Variants in ANKRD36 observed in about 807,000 individuals in gnomAD.
The protein encoded by ANKRD36 is ankyrin repeat domain-containing protein 36A.
A neutral mutation model predicts 278.1 loss-of-function variants in ANKRD36; 179 were observed. The observed-to-expected ratio is 0.64, with a 90% CI of 0.57 to 0.73. ANKRD36 has a LOEUF of 0.73. Ranked by LOEUF, ANKRD36 falls within the 30% of genes least tolerant of loss-of-function variation. ANKRD36 has a pLI of 0.00. For synonymous variants in ANKRD36, 320 were observed against 641.1 expected, an observed-to-expected ratio of 0.50 and a Z score of 7.57; for missense variants, 1,159 against 1,956.7, an observed-to-expected ratio of 0.59 and a Z score of 7.69.
intron 34 of ANKRD36, among the ~76,000 whole-genome samples, chr2:97,189,548 C>T (rs7594356): frequency 0.42 from 36,864 of 87,256 alleles, 13,964 homozygotes; most frequent in Middle Eastern, 0.59. Flanking sequence ...AGGTTCAAGA[C>T]ATAAGGGGCT....
rs1315631638 is a variant in ANKRD36 at position 97,205,667 on chromosome 2, A to G, written c.3062-273A>G. On this transcript the variant is annotated intron_variant, in intron 50 of 75. Transcript: ENST00000420699. ...CACATTTGTTCTCATCACTCGGCCT[A>G]AGCACATTGATATTGACACGGTTTT... Among the ~76,000 whole-genome samples, 12 of 151,532 alleles carry G rather than the reference A, an allele frequency of 7.9e-5. 1 individual carries two copies. Among genetic ancestry groups the G allele is most frequent in the East Asian group, 3.9e-4 (2 of 5,140 alleles).
chr2:97,158,192 T>C, intron 16 of ANKRD36, 25 bp downstream of exon 16: 1 of 1,428,864 alleles, frequency 7.0e-7, no homozygotes, highest in Non-Finnish European at 9.5e-7. Context: ...ACCTGACTAT[T>C]ATATTATCTA....
intron 60 of ANKRD36, among the ~76,000 whole-genome samples, chr2:97,214,069 G>A (rs1017257399): frequency 6.6e-6 from 1 of 151,146 alleles, no homozygotes; most frequent in South Asian, 2.1e-4. Flanking sequence ...TTTTCCCAAG[G>A]AAGAGGGATT....
At chr2:97,244,151 A>G in intron 70 of ANKRD36, 122 bp downstream of exon 70, 1 of 1,286,930 alleles carries the variant, frequency 7.8e-7, no homozygotes, top group Non-Finnish European at 1.0e-6. Context: ...TCATCTTAAA[A>G]ATGAATCATG....
At chr2:97,135,844 A>G (rs2041356427) in intron 6 of ANKRD36, among the ~76,000 whole-genome samples, 1 of 151,804 alleles carries the variant, frequency 6.6e-6, no homozygotes, top group East Asian at 1.9e-4. Flanking sequence ...CTGGAATTTT[A>G]TTTATGGACC....
chr2:97,205,466 G>T (rs1013628072), intron 50 of ANKRD36, among the ~76,000 whole-genome samples: 12 of 151,506 alleles, frequency 7.9e-5, no homozygotes, highest in African/African-American at 2.9e-4. Context: ...TTCAACTGAA[G>T]CATCATCGCA....
At chr2:97,157,208 G>A (rs2047697852) in intron 15 of ANKRD36, among the ~76,000 whole-genome samples, 2 of 149,556 alleles carry the variant, frequency 1.3e-5, no homozygotes, top group Admixed American at 6.7e-5. Flanking sequence ...TTCTTGGGAT[G>A]TGTTATTTTA....
At chr2:97,211,471 C>T in intron 56 of ANKRD36, 75 bp from the exon 57 acceptor site, 1 of 1,571,834 alleles carries the variant, frequency 6.4e-7, no homozygotes, top group Non-Finnish European at 8.7e-7. Flanking sequence ...GAGTTTGATG[C>T]TAACACTGTA....
At chr2:97,217,100 T>C (rs1434665153) in intron 62 of ANKRD36, 77 bp from the exon 63 acceptor site, 3 of 1,542,816 alleles carry the variant, frequency 1.9e-6, no homozygotes, top group Non-Finnish European at 2.6e-6. Context: ...TACAGCTTGA[T>C]GCTAACACTG....
At chr2:97,143,761 T>C (rs2043512949) in intron 8 of ANKRD36, among the ~76,000 whole-genome samples, 1 of 152,276 alleles carries the variant, frequency 6.6e-6, no homozygotes, top group Non-Finnish European at 1.5e-5. Flanking sequence ...AGCTTATTCA[T>C]ATCTAATGAT....
chr2:97,226,276 T>C (rs1366997521), intron 67 of ANKRD36, among the ~76,000 whole-genome samples: 2 of 152,068 alleles, frequency 1.3e-5, no homozygotes, highest in Admixed American at 6.6e-5. Flanking sequence ...CCACATCCTC[T>C]CCAGCACCTG....
In ANKRD36 at chr2:97,198,573, A is replaced by T. The variant is rs1401644682; in HGVS notation, c.2683-13A>T. On this transcript the variant is annotated splice_polypyrimidine_tract_variant and intron_variant, in intron 43 of 75. Transcript: ENST00000420699. Reference sequence around the variant, plus strand: ...CTTTATTAATTTATTATTTCATTTCAAATTCCATTCAGGCTTCAAGTGCCG... The same window carrying T: ...CTTTATTAATTTATTATTTCATTTCTAATTCCATTCAGGCTTCAAGTGCCG... The T allele has an allele frequency of 6.4e-7, 1 of 1,550,558 alleles. No individual in the cohort carries two copies. The highest frequency in any genetic ancestry group is 2.0e-5 in the Admixed American group (1 of 51,044).
At chr2:97,228,678 G>A (rs1170879491) in intron 67 of ANKRD36, among the ~76,000 whole-genome samples, 1 of 151,140 alleles carries the variant, frequency 6.6e-6, no homozygotes, top group Non-Finnish European at 1.5e-5. Context: ...CCTTCTGCTA[G>A]CTTTTGAATG....
chr2:97,220,863 GTGCGC>G (rs1404567725), intron 66 of ANKRD36, among the ~76,000 whole-genome samples: 3 of 144,776 alleles, frequency 2.1e-5, no homozygotes, highest in Admixed American at 7.0e-5. Context: ...TGCCATGCTG[GTGCGC>G]TGCACCCACT....
chr2:97,128,419 A>C (rs2039188785), intron 6 of ANKRD36, among the ~76,000 whole-genome samples: 2 of 151,498 alleles, frequency 1.3e-5, no homozygotes, highest in Admixed American at 6.6e-5. Context: ...TGAGAATTTT[A>C]AGGAGGGAGT....
At chr2:97,123,051 TA>T (rs2037345207) in intron 4 of ANKRD36, 58 bp downstream of exon 4, 13 of 1,364,444 alleles carry the variant, frequency 9.5e-6, no homozygotes, top group Non-Finnish European at 1.3e-5. Context: ...TTTAGTGTGG[TA>T]GCAGTCCCTC....
chr2:97,129,686 A>G (rs1455331258), intron 6 of ANKRD36, among the ~76,000 whole-genome samples: 2 of 152,094 alleles, frequency 1.3e-5, no homozygotes, highest in African/African-American at 4.8e-5. Context: ...AGCTTTCTAC[A>G]TATGGCTAGC....
rs373348874 is a variant in ANKRD36 at position 97,124,402 on chromosome 2, T to C, written c.594-58T>C. On this transcript the variant is annotated intron_variant, in intron 4 of 75. Coordinates refer to ENST00000420699, the MANE Select transcript of ANKRD36 (RefSeq NM_001354587.1). The stretch of plus-strand genomic sequence containing the variant: ...GGCAACATATTAAGTTGATAAAGTA[T>C]ATAAACTTAGCTTTTAAAATGTCAT... The C allele has an allele frequency of 1.8e-3, 2,750 of 1,522,818 alleles. 106 individuals are homozygous for C. The South Asian group carries it at 0.032, about 18-fold the overall frequency. 94.3% of individuals were successfully genotyped at this position (1,522,818 alleles called of 1,614,324 possible). A position where few individuals can be genotyped will look rare whatever the true frequency, so the allele number is the denominator to read the frequency against.
At chr2:97,202,059 A>C in intron 46 of ANKRD36, 143 bp from the exon 47 acceptor site, 1 of 1,507,528 alleles carries the variant, frequency 6.6e-7, no homozygotes, top group Non-Finnish European at 8.9e-7. Flanking sequence ...GTCACGTTCT[A>C]GTCCCCAGAC....
Sources: allele counts gnomAD v4.1 joint callset (sites outside exome capture counted in the v4.1 genomes callset), GRCh38; gene constraint gnomAD v4.1.1; transcripts MANE v1.5; gene names NCBI Gene and HGNC (gene_info 2026-07-23, HGNC 2026-07-21).